Variants in RAPGEF5 observed in about 807,000 individuals in gnomAD.
RAPGEF5 encodes the protein Rap guanine nucleotide exchange factor 5.
In RAPGEF5, 65 loss-of-function variants were observed where a neutral mutation model predicts 125.2. The observed-to-expected ratio is 0.52, with a 90% CI of 0.43 to 0.64. RAPGEF5 has a LOEUF of 0.64. Ranked by LOEUF, RAPGEF5 falls within the 30% of genes least tolerant of loss-of-function variation. The probability of loss-of-function intolerance (pLI) is 0.00; values close to 1 mark genes in which losing one functional copy is unlikely to be tolerated. For synonymous variants in RAPGEF5, 391 were observed against 385.9 expected (o/e 1.01, Z -0.16); for missense variants, 958 against 1,048.1 (o/e 0.91, Z 1.19).
At position 22,356,894 on chromosome 7, in the gene RAPGEF5, TC is replaced by T; in HGVS notation, c.166del (p.Asp56ThrfsTer52). On this transcript the variant is annotated frameshift_variant, in exon 1 of 26. Transcript: ENST00000665637. LOFTEE classifies it high-confidence loss of function. ...PPASLRPRLR[D>X]LPALLRSGLT... ...CCCGCTCCGCAGCAGCGCGGGCAGG[TC>T]CCTCAGCCGCGGCCGCAGCGACGCC... 8.8e-7 allele frequency: 1 copy of T among 1,136,454 alleles called. No individual in the cohort carries two copies. 70.4% of individuals were successfully genotyped at this position (1,136,454 alleles called of 1,614,324 possible). A position where few individuals can be genotyped will look rare whatever the true frequency, so the allele number is the denominator to read the frequency against.
intron 12 of RAPGEF5, among the ~76,000 whole-genome samples, chr7:22,166,634 C>T (rs951966044): frequency 1.3e-5 from 2 of 152,230 alleles, no homozygotes; most frequent in Non-Finnish European, 2.9e-5. Context: ...CCTGTCTCCC[C>T]TGAGATACTT....
intron 19 of RAPGEF5, among the ~76,000 whole-genome samples, chr7:22,146,503 T>G (rs996238352): frequency 6.6e-6 from 1 of 152,214 alleles, no homozygotes. Flanking sequence ...AGTAAAAAGA[T>G]GGATATGTGT....
At chr7:22,326,967 T>C (rs1315514989) in intron 1 of RAPGEF5, among the ~76,000 whole-genome samples, 3 of 152,194 alleles carry the variant, frequency 2.0e-5, no homozygotes, top group Non-Finnish European at 4.4e-5. Flanking sequence ...TCAAGTTGTA[T>C]ACATTACATA....
intron 12 of RAPGEF5, among the ~76,000 whole-genome samples, chr7:22,164,455 A>G (rs1186893857): frequency 6.6e-6 from 1 of 152,226 alleles, no homozygotes; most frequent in Non-Finnish European, 1.5e-5. Context: ...TTTTTAGGTC[A>G]TCATATGTAA....
At chr7:22,301,341 C>T (rs1257595015) in intron 5 of RAPGEF5, among the ~76,000 whole-genome samples, 1 of 152,112 alleles carries the variant, frequency 6.6e-6, no homozygotes, top group African/African-American at 2.4e-5. Context: ...TAGGGCCAGG[C>T]GTGGTGGCTC....
At chr7:22,213,305 A>G (rs1785553153) in intron 9 of RAPGEF5, among the ~76,000 whole-genome samples, 1 of 152,244 alleles carries the variant, frequency 6.6e-6, no homozygotes, top group South Asian at 2.1e-4. Context: ...TAGAATTTAA[A>G]GAGCACACAC....
intron 1 of RAPGEF5, among the ~76,000 whole-genome samples, chr7:22,328,105 C>G (rs539066743): frequency 2.3e-4 from 35 of 152,224 alleles, no homozygotes; most frequent in Non-Finnish European, 5.0e-4. Flanking sequence ...TTTTCACCCA[C>G]ATCCCTAGGA....
At chr7:22,226,309 T>C (rs944026432) in intron 8 of RAPGEF5, among the ~76,000 whole-genome samples, 4 of 152,208 alleles carry the variant, frequency 2.6e-5, no homozygotes, top group African/African-American at 7.2e-5. Context: ...TAGAAGTTCA[T>C]ATAATTTTTT....
chr7:22,211,790 GCACA>G (rs1424114488), intron 9 of RAPGEF5, among the ~76,000 whole-genome samples: 1 of 151,810 alleles, frequency 6.6e-6, no homozygotes, highest in Admixed American at 6.6e-5. Flanking sequence ...ATTGCTCTTA[GCACA>G]CAATGTTTGG....
At chr7:22,219,374 C>T (rs954084658) in intron 9 of RAPGEF5, among the ~76,000 whole-genome samples, 18 of 151,372 alleles carry the variant, frequency 1.2e-4, no homozygotes, top group Admixed American at 1.1e-3. Flanking sequence ...ACTGGGAAAA[C>T]TCCCTTCTGA....
chr7:22,284,647 G>A (rs144424421), intron 6 of RAPGEF5, among the ~76,000 whole-genome samples: 62 of 152,248 alleles, frequency 4.1e-4, no homozygotes, highest in Admixed American at 2.0e-3. Context: ...GTAACAAGAT[G>A]TTCATGATCC....
At chr7:22,244,306 A>G (rs4722116) in intron 7 of RAPGEF5, among the ~76,000 whole-genome samples, 81,225 of 151,870 alleles carry the variant, frequency 0.53, 23,105 homozygotes, top group East Asian at 0.73. Context: ...GTAATGCAGA[A>G]GTCTTCAACC....
chr7:22,139,698 A>C (rs1279518616), intron 21 of RAPGEF5: 2 of 197,368 alleles, frequency 1.0e-5, no homozygotes, highest in East Asian at 2.2e-4. Flanking sequence ...GAGGCCTCGA[A>C]GCTTAAACTC....
chr7:22,188,764 CAAAAAAAAA>C (rs1180031530), intron 11 of RAPGEF5, among the ~76,000 whole-genome samples: 1 of 51,914 alleles, frequency 1.9e-5, no homozygotes, highest in Non-Finnish European at 4.1e-5. Flanking sequence ...GACTCCGTCT[CAAAAAAAAA>C]AAAAAAAAAA....
intron 9 of RAPGEF5, among the ~76,000 whole-genome samples, chr7:22,202,487 G>A (rs1232486521): frequency 2.0e-5 from 3 of 152,076 alleles, no homozygotes; most frequent in African/African-American, 4.8e-5. Context: ...TGCATCTTCT[G>A]GGACTTTTAG....
At chr7:22,175,896 T>C (rs1784488561) in intron 11 of RAPGEF5, among the ~76,000 whole-genome samples, 1 of 152,192 alleles carries the variant, frequency 6.6e-6, no homozygotes, top group Non-Finnish European at 1.5e-5. Flanking sequence ...AAACCTGAAA[T>C]ACATCATCAT....
intron 13 of RAPGEF5, among the ~76,000 whole-genome samples, chr7:22,161,037 A>C (rs1416423138): frequency 1.0e-4 from 1 of 9,712 alleles, no homozygotes; most frequent in Admixed American, 1.5e-3. Flanking sequence ...TCTACTAAAA[A>C]TACAAAAAAA....
intron 9 of RAPGEF5, among the ~76,000 whole-genome samples, chr7:22,200,962 G>A (rs2128128097): frequency 6.6e-6 from 1 of 152,276 alleles, no homozygotes; most frequent in East Asian, 1.9e-4. Context: ...TCTGGATACT[G>A]GCAGGAAAAT....
chr7:22,148,198 C>T (rs1028220226), intron 18 of RAPGEF5, among the ~76,000 whole-genome samples: 2 of 152,164 alleles, frequency 1.3e-5, no homozygotes, highest in African/African-American at 4.8e-5. Flanking sequence ...ACCAGACAGG[C>T]TCTACTGCTG....
Sources: allele counts gnomAD v4.1 joint callset (sites outside exome capture counted in the v4.1 genomes callset), GRCh38; gene constraint gnomAD v4.1.1; transcripts MANE v1.5; gene names NCBI Gene and HGNC (gene_info 2026-07-23, HGNC 2026-07-21).